Variants in CALCOCO1 observed in about 807,000 individuals in gnomAD.
CALCOCO1 encodes calcium binding and coiled-coil domain 1.
Under a neutral mutation model 86.3 loss-of-function variants are expected in CALCOCO1, and 44 were observed. The observed-to-expected ratio is 0.51, with a 90% confidence interval of 0.40 to 0.66. The LOEUF (loss-of-function observed/expected upper bound fraction) is 0.66, where lower values mean the gene tolerates loss of function less well. CALCOCO1 is among the 30% of genes least tolerant of loss of function. CALCOCO1 has a pLI of 0.00. For synonymous variants in CALCOCO1, 297 were observed against 327.6 expected (o/e 0.91, Z 1.01); for missense variants, 708 against 851.1 (o/e 0.83, Z 2.09).
In CALCOCO1 at chr12:53,711,240, C is replaced by T; in HGVS notation, c.*704G>A. ...TTGGAAATGGGGATACCTGGGACCA[C>T]TTGTTCCCCCCATTCCTCACAGAAG... On this transcript the variant is annotated 3_prime_UTR_variant, in exon 15 of 15. Coordinates refer to ENST00000550804, the MANE Select transcript of CALCOCO1 (RefSeq NM_020898.3). The T allele has an allele frequency of 2.5e-6, 1 of 399,006 alleles. No homozygotes were observed. Among genetic ancestry groups the T allele is most frequent in the East Asian group, 3.6e-5 (1 of 28,078 alleles). The allele number at this position is 399,006 out of a possible 1,614,324, so 24.7% of individuals were successfully genotyped here. A position where few individuals can be genotyped will look rare whatever the true frequency, so the allele number is the denominator to read the frequency against.
chr12:53,719,526 CA>C (rs1344892879), intron 7 of CALCOCO1, among the ~76,000 whole-genome samples: 1 of 151,894 alleles, frequency 6.6e-6, no homozygotes, highest in Admixed American at 6.6e-5. Context: ...ACTCTGTCTC[CA>C]AAAAACAAAC....
chr12:53,727,211 C>T lies in CALCOCO1; in HGVS notation c.-25+193G>A, dbSNP rs186997618. Among the ~76,000 whole-genome samples, 232 of 152,258 alleles carry T rather than the reference C, an allele frequency of 1.5e-3. 3 individuals are homozygous for T. The highest frequency in any genetic ancestry group is 5.2e-3 in the African/African-American group (216 of 41,564). The stretch of plus-strand genomic sequence containing the variant: ...GGACGACGAGGGGGCGCCCCCCACC[C>T]CCAATCAGAGTCCCCTTGAAACCAA... On this transcript the variant is annotated intron_variant, in intron 1 of 14. Coordinates refer to ENST00000550804, the MANE Select transcript of CALCOCO1 (RefSeq NM_020898.3).
chr12:53,712,513 G>A (rs150701651), intron 14 of CALCOCO1: 96 of 221,870 alleles, frequency 4.3e-4, no homozygotes, highest in African/African-American at 2.2e-3. Flanking sequence ...AGGCAAAACC[G>A]GGACTAGATG....
Position 53,725,260 on chromosome 12 carries a change from T to C in CALCOCO1, c.-18A>G, listed in dbSNP as rs1183190424. ...TCTTCCATCCTGGCCTTGAGATATC[T>C]GTCCTCCTATGAAAGAAAGGGTTGA... On this transcript the variant is annotated 5_prime_UTR_variant, in exon 2 of 15. Coordinates refer to ENST00000550804, the MANE Select transcript of CALCOCO1 (RefSeq NM_020898.3). 15 of 1,561,638 alleles carry C rather than the reference T, an allele frequency of 9.6e-6. No homozygotes were observed. The highest frequency in any genetic ancestry group is 1.3e-5 in the Non-Finnish European group (15 of 1,154,806).
At position 53,711,030 on chromosome 12, in the gene CALCOCO1, T is replaced by G. The variant is rs1436712254; in HGVS notation, c.*914A>C. 5 of 372,008 alleles carry G rather than the reference T, an allele frequency of 1.3e-5. No homozygotes were observed. The highest frequency in any genetic ancestry group is 2.4e-5 in the Non-Finnish European group (5 of 209,596). The allele number at this position is 372,008 out of a possible 1,614,324, so 23.0% of individuals were successfully genotyped here. ...AGGGATGCGTCCCCTCTTTCCCTCC[T>G]CCCTCCACCAGGGTCTAAGAGCTGG... On this transcript the variant is annotated 3_prime_UTR_variant, in exon 15 of 15. Transcript: ENST00000550804.
In CALCOCO1 at chr12:53,725,187, T is replaced by C. The variant is rs1418735423; in HGVS notation, c.56A>G (p.Asn19Ser). ...GTTGGGGATGTAGGTCCGGGCTACA[T>C]TGAGAAAGTTGACTCCACCACGGGA... Reference protein sequence around the residue: ...APSRGGVNFLNVARTYIPNTK... With the variant: ...APSRGGVNFLSVARTYIPNTK... The change falls in exon 2 of 15, where the codon AAT (asparagine) becomes AGT (serine). Residue 19 changes from asparagine to serine, a missense_variant. Transcript: ENST00000550804. 5.0e-6 allele frequency: 8 copies of C among 1,612,582 alleles called. No individual in the cohort carries two copies. Among genetic ancestry groups the C allele is most frequent in the African/African-American group, 1.3e-5 (1 of 74,828 alleles).
chr12:53,714,843 C>T (rs76945771), intron 10 of CALCOCO1, 150 bp from the exon 11 acceptor site: 12,384 of 628,412 alleles, frequency 0.02, 574 homozygotes, highest in East Asian at 0.13. Flanking sequence ...ATTCCCAACA[C>T]TTCCTCCATG....
At chr12:53,726,754 T>C (rs565299684) in intron 1 of CALCOCO1, among the ~76,000 whole-genome samples, 2 of 152,242 alleles carry the variant, frequency 1.3e-5, no homozygotes, top group Non-Finnish European at 2.9e-5. Flanking sequence ...TTGAAACTAA[T>C]CCATGTTTTC....
chr12:53,723,804 C>A (rs768070225), intron 3 of CALCOCO1, 21 bp from the exon 4 acceptor site: 2 of 1,606,148 alleles, frequency 1.2e-6, no homozygotes, highest in Non-Finnish European at 1.7e-6. Context: ...AAGAATGGAC[C>A]CAGGACCCCA....
rs1593094091 is a variant in CALCOCO1 at position 53,723,642 on chromosome 12, T to A, written c.401A>T (p.Asp134Val). The A allele has an allele frequency of 6.2e-7, 1 of 1,614,180 alleles. No homozygotes were observed. The highest frequency in any genetic ancestry group is 2.2e-5 in the East Asian group (1 of 44,882). The change falls in exon 4 of 15, where the codon GAT (aspartate) becomes GTT (valine). Residue 134 changes from aspartate to valine, a missense_variant. Physicochemically the swap from Asp to Val is radical, Grantham distance 152. Coordinates refer to ENST00000550804, the MANE Select transcript of CALCOCO1 (RefSeq NM_020898.3). Reference protein sequence around the residue: ...MDELVTLEEADGGSDILLVVP... With the variant: ...MDELVTLEEAVGGSDILLVVP... Reference sequence around the variant, plus strand: ...AACCAGCAGGATGTCAGAGCCCCCATCAGCCTCCTCCAGGGTCACCAGTTC... The same window carrying A: ...AACCAGCAGGATGTCAGAGCCCCCAACAGCCTCCTCCAGGGTCACCAGTTC...
At chr12:53,725,423 C>G (rs1400689736) in intron 1 of CALCOCO1, among the ~76,000 whole-genome samples, 157 bp from the exon 2 acceptor site, 1 of 152,212 alleles carries the variant, frequency 6.6e-6, no homozygotes, top group Non-Finnish European at 1.5e-5. Flanking sequence ...TTTGAGGTAT[C>G]ACTCTTAGTC....
At position 53,710,535 on chromosome 12, in the gene CALCOCO1, C is replaced by A. The variant is rs1449486898; in HGVS notation, c.*1409G>T. The A allele has an allele frequency of 1.3e-5, 2 of 152,472 alleles. No individual in the cohort carries two copies. The highest frequency in any genetic ancestry group is 2.9e-5 in the Non-Finnish European group (2 of 68,168). 9.4% of individuals were successfully genotyped at this position (152,472 alleles called of 1,614,324 possible). On this transcript the variant is annotated 3_prime_UTR_variant, in exon 15 of 15. Transcript: ENST00000550804. ...ATGCTTTACGATGCTGTGTATGTGT[C>A]TGTCTAGCCTGTGAAGCTGGTTAGA...
intron 4 of CALCOCO1, chr12:53,722,943 C>CAAAAAAAAAAAA (rs58897806): frequency 6.5e-4 from 127 of 194,386 alleles, no homozygotes; most frequent in South Asian, 1.3e-3. Flanking sequence ...AAGGCTGTCT[C>CAAAAAAAAAAAA]AAAAAAAAAA....
At chr12:53,714,095 G>T in intron 12 of CALCOCO1, 38 bp downstream of exon 12, 1 of 1,509,398 alleles carries the variant, frequency 6.6e-7, no homozygotes, top group Non-Finnish European at 9.2e-7. Flanking sequence ...GGGAGGTAGA[G>T]TGGGGAAGAG....
In CALCOCO1 at chr12:53,715,613, G is replaced by A; in HGVS notation, c.1260+180C>T. The A allele has an allele frequency of 3.6e-6, 3 of 837,488 alleles. No homozygotes were observed. The South Asian group carries it at 5.4e-5, about 15-fold the overall frequency. The allele number at this position is 837,488 out of a possible 1,614,324, so 51.9% of individuals were successfully genotyped here. ...TGGTGATCAGGATTGGGATACCCCGGTTAGGGATGGGTCATGCCTAGAAAG... is the reference window on the plus strand; with the variant it reads ...TGGTGATCAGGATTGGGATACCCCGATTAGGGATGGGTCATGCCTAGAAAG... On this transcript the variant is annotated intron_variant, in intron 9 of 14. Coordinates refer to ENST00000550804, the MANE Select transcript of CALCOCO1 (RefSeq NM_020898.3).
At chr12:53,719,456 G>T (rs75456086) in intron 7 of CALCOCO1, among the ~76,000 whole-genome samples, 1,659 of 152,166 alleles carry the variant, frequency 0.011, 27 homozygotes, top group African/African-American at 0.037. Flanking sequence ...AACCCAGGAG[G>T]CAGAGGTTGC....
rs369334032 is a variant in CALCOCO1, at chr12:53,725,281, G to A, written c.-24-15C>T. The A allele has an allele frequency of 1.4e-5, 22 of 1,526,460 alleles. No individual in the cohort carries two copies. The African/African-American group carries it at 2.9e-4, about 20-fold the overall frequency. The allele number at this position is 1,526,460 out of a possible 1,614,324, so 94.6% of individuals were successfully genotyped here. A position where few individuals can be genotyped will look rare whatever the true frequency, so the allele number is the denominator to read the frequency against. On this transcript the variant is annotated splice_polypyrimidine_tract_variant and intron_variant, in intron 1 of 14. Coordinates refer to ENST00000550804, the MANE Select transcript of CALCOCO1 (RefSeq NM_020898.3). ...TATCTGTCCTCCTATGAAAGAAAGG[G>A]TTGATAGCCTAAAGTCTTTCCAGTC...
At position 53,708,728 on chromosome 12, in the gene CALCOCO1, C is replaced by T. The variant is rs1945503624; in HGVS notation, c.*3216G>A. ...AAGCATAGAATCTGCCTTCAAGTTG[C>T]TTACAGTTTAGGGAGAATAAAAAGT... On this transcript the variant is annotated 3_prime_UTR_variant, in exon 15 of 15. Coordinates refer to ENST00000550804, the MANE Select transcript of CALCOCO1 (RefSeq NM_020898.3). 6.6e-6 allele frequency: 1 copy of T among 152,118 alleles called. No individual in the cohort carries two copies. The highest frequency in any genetic ancestry group is 2.1e-4 in the South Asian group (1 of 4,824). 9.4% of individuals were successfully genotyped at this position (152,118 alleles called of 1,614,324 possible). A position where few individuals can be genotyped will look rare whatever the true frequency, so the allele number is the denominator to read the frequency against.
At chr12:53,712,460 T>G in intron 14 of CALCOCO1, 1 of 259,958 alleles carries the variant, frequency 3.8e-6, no homozygotes, top group East Asian at 1.0e-4. Context: ...CCGAGAAGGA[T>G]GACAGCATCA....
Sources: allele counts gnomAD v4.1 joint callset (sites outside exome capture counted in the v4.1 genomes callset), GRCh38; gene constraint gnomAD v4.1.1; transcripts MANE v1.5; gene names NCBI Gene and HGNC (gene_info 2026-07-23, HGNC 2026-07-21).